Variants in BSDC1 observed in about 807,000 individuals in gnomAD.
BSDC1 encodes BSD domain containing 1.
Under a neutral mutation model 56.0 loss-of-function variants are expected in BSDC1, and 29 were observed. The observed-to-expected ratio is 0.52, with a 90% CI of 0.39 to 0.71. BSDC1 has a LOEUF of 0.71. Ranked by LOEUF, BSDC1 falls within the 30% of genes least tolerant of loss-of-function variation. The probability of loss-of-function intolerance (pLI) is 0.00; values close to 1 mark genes in which losing one functional copy is unlikely to be tolerated. For synonymous variants in BSDC1, 210 were observed against 215.3 expected (o/e 0.98, Z 0.21); for missense variants, 477 against 548.5 (o/e 0.87, Z 1.30).
intron 2 of BSDC1, among the ~76,000 whole-genome samples, chr1:32,393,244 T>C (rs762954144): frequency 3.1e-4 from 47 of 152,212 alleles, no homozygotes; most frequent in Non-Finnish European, 5.6e-4. Context: ...GGAATACACA[T>C]TGGCAAATTA....
intron 3 of BSDC1, 195 bp downstream of exon 3, chr1:32,386,584 T>G: frequency 2.0e-6 from 1 of 496,602 alleles, no homozygotes; most frequent in Non-Finnish European, 3.6e-6. Context: ...AATACAGAAG[T>G]GGGAAAACTA....
chr1:32,378,094 T>C lies in BSDC1; in HGVS notation c.598-46A>G, dbSNP rs775577822. The C allele has an allele frequency of 3.4e-5, 55 of 1,596,854 alleles. No homozygotes were observed. In the South Asian group the frequency reaches 6.0e-4, roughly 17 times the overall value. On this transcript the variant is annotated intron_variant, in intron 7 of 10. Transcript: ENST00000455895. This position sits in a 1 kb window ranked among gnomAD's most constrained non-coding sequence, Gnocchi z 5.2. ...GGCCACAGGCAGTCAGGGCACCCTCTTCCTAGACCCTGGTCCTGATCCCAC... is the reference window on the plus strand; with the variant it reads ...GGCCACAGGCAGTCAGGGCACCCTCCTCCTAGACCCTGGTCCTGATCCCAC...
chr1:32,367,974 T>C (rs1244700868), intron 10 of BSDC1: 3 of 1,102,510 alleles, frequency 2.7e-6, no homozygotes, highest in African/African-American at 1.6e-5. Flanking sequence ...TCAGGCCTCA[T>C]ACCTGAGGAC....
intron 9 of BSDC1, among the ~76,000 whole-genome samples, chr1:32,373,432 T>A (rs1642167912): frequency 6.6e-6 from 1 of 152,180 alleles, no homozygotes; most frequent in South Asian, 2.1e-4. Context: ...TTTGTAACCC[T>A]CCAACTGTTT....
intron 4 of BSDC1, 60 bp downstream of exon 4, chr1:32,383,770 G>A (rs916686046): frequency 6.5e-7 from 1 of 1,529,170 alleles, no homozygotes; most frequent in African/African-American, 1.4e-5. Context: ...AGTACAGGAT[G>A]GAAGTTAAAG....
At chr1:32,369,420 G>A in intron 9 of BSDC1, 1 of 578,070 alleles carries the variant, frequency 1.7e-6, no homozygotes, top group South Asian at 1.8e-5. Context: ...GAGGTGTGGT[G>A]ATCACTTGAG....
intron 8 of BSDC1, 107 bp from the exon 9 acceptor site, chr1:32,376,848 A>G (rs1400137541): frequency 6.5e-6 from 8 of 1,228,472 alleles, no homozygotes; most frequent in Non-Finnish European, 8.2e-6. Flanking sequence ...ATCAAGACTC[A>G]AGCCGGGCAT....
At chr1:32,391,214 G>A (rs1642854599) in intron 2 of BSDC1, among the ~76,000 whole-genome samples, 1 of 152,180 alleles carries the variant, frequency 6.6e-6, no homozygotes, top group Non-Finnish European at 1.5e-5. Flanking sequence ...GGTCCAGGAA[G>A]ATAAGGGCTG....
At chr1:32,372,201 G>T (rs1642117552) in intron 9 of BSDC1, among the ~76,000 whole-genome samples, 1 of 152,136 alleles carries the variant, frequency 6.6e-6, no homozygotes, top group Admixed American at 6.5e-5. Flanking sequence ...TTCTGTACAC[G>T]GTACCTCAGG....
intron 2 of BSDC1, 189 bp downstream of exon 2, chr1:32,393,891 G>T: frequency 1.7e-6 from 1 of 588,042 alleles, no homozygotes; most frequent in Non-Finnish European, 3.0e-6. Flanking sequence ...ATTTCACTGT[G>T]GCTAGTATCA....
At position 32,368,154 on chromosome 1, in the gene BSDC1, G is replaced by A. The variant is rs1486564595; in HGVS notation, c.1260+293C>T. The stretch of plus-strand genomic sequence containing the variant: ...CCCAAAGTGTTGGGATTACAGGTGT[G>A]AGCCACCGCGCTCAGCATGACATCT... On this transcript the variant is annotated intron_variant, in intron 10 of 10. Coordinates refer to ENST00000455895, the MANE Select transcript of BSDC1 (RefSeq NM_018045.8). 2.1e-6 allele frequency: 3 copies of A among 1,420,330 alleles called. No homozygotes were observed. The African/African-American group carries it at 4.3e-5, about 21-fold the overall frequency. 88.0% of individuals were successfully genotyped at this position (1,420,330 alleles called of 1,614,324 possible). A position where few individuals can be genotyped will look rare whatever the true frequency, so the allele number is the denominator to read the frequency against.
At chr1:32,366,847 G>T in intron 10 of BSDC1, 193 bp from the exon 11 acceptor site, 1 of 1,322,576 alleles carries the variant, frequency 7.6e-7, no homozygotes, top group Non-Finnish European at 9.7e-7. Context: ...CTGCCTGAGG[G>T]GTGGGCCTGA....
chr1:32,389,186 C>G (rs1642780992), intron 2 of BSDC1, among the ~76,000 whole-genome samples: 2 of 152,122 alleles, frequency 1.3e-5, no homozygotes, highest in South Asian at 4.1e-4. Context: ...GATCTCCTGA[C>G]CTCATGATTC....
At chr1:32,386,374 G>T in intron 3 of BSDC1, 1 of 152,216 alleles carries the variant, frequency 6.6e-6, no homozygotes, top group South Asian at 2.1e-4. Flanking sequence ...ATTGACCCCA[G>T]TTTTGAAAAA....
intron 9 of BSDC1, among the ~76,000 whole-genome samples, chr1:32,371,295 T>C (rs1642071615): frequency 6.6e-6 from 1 of 150,708 alleles, no homozygotes; most frequent in Non-Finnish European, 1.5e-5. Flanking sequence ...CACATACGAC[T>C]TTGTAATCTT....
chr1:32,392,388 T>TA (rs1487438566), intron 2 of BSDC1, among the ~76,000 whole-genome samples: 1 of 151,732 alleles, frequency 6.6e-6, no homozygotes, highest in East Asian at 1.9e-4. Context: ...AGTAAGAAAG[T>TA]AAAAAAAGGG....
intron 4 of BSDC1, among the ~76,000 whole-genome samples, chr1:32,382,867 C>CAAA (rs760141230): frequency 3.1e-3 from 140 of 44,650 alleles, no homozygotes; most frequent in Middle Eastern, 0.012. Context: ...GAGACCGTCT[C>CAAA]AAAAAAAAAA....
chr1:32,365,888 CG>C lies in BSDC1; in HGVS notation c.*733del, dbSNP rs1475032942. On this transcript the variant is annotated 3_prime_UTR_variant, in exon 11 of 11. Transcript: ENST00000455895. ...CTCCCTTCTTGGGGAGGGGAAGAAA[CG>C]CAAGAGCGAACTCCTGCAGGTGGCA... 1.3e-5 allele frequency: 2 copies of C among 152,878 alleles called. No homozygotes were observed. Among genetic ancestry groups the C allele is most frequent in the Admixed American group, 6.5e-5 (1 of 15,296 alleles). The allele number at this position is 152,878 out of a possible 1,614,324, so 9.5% of individuals were successfully genotyped here.
chr1:32,373,713 G>A (rs899675672), intron 9 of BSDC1, among the ~76,000 whole-genome samples: 4 of 151,992 alleles, frequency 2.6e-5, no homozygotes, highest in African/African-American at 9.7e-5. Flanking sequence ...GTAGAGATGG[G>A]GTTTCATCAC....
Sources: gnomAD v4.1 joint callset for allele counts (sites outside exome capture counted in the v4.1 genomes callset) on GRCh38, gnomAD v4.1.1 for gene constraint, Gnocchi (gnomAD v3.1) non-coding constraint, MANE v1.5 for transcripts, NCBI Gene and HGNC (gene_info 2026-07-23, HGNC 2026-07-21) for gene names.